RGS7: variants seen among roughly 807,000 people sequenced by gnomAD.
The protein encoded by RGS7 is regulator of G protein signaling 7.
Under a neutral mutation model 81.1 loss-of-function variants are expected in RGS7, and 27 were observed. The ratio of observed to expected loss-of-function variants is 0.33; its 90% CI spans 0.25 to 0.46. RGS7 has a LOEUF of 0.46. Among genes scored for constraint, RGS7 ranks in the 20% least tolerant of loss-of-function variants. RGS7 has a pLI of 1.00. For missense variants in RGS7, 396 were observed against 607.4 expected (o/e 0.65, Z 3.66); for synonymous variants, 208 against 207.7 (o/e 1.00, Z -0.01).
rs866197813 is a variant in RGS7 at position 241,090,009 on chromosome 1, A to G, written c.175+8657T>C. Among the ~76,000 whole-genome samples the G allele has an allele frequency of 2.9e-3, 439 of 151,430 alleles. 1 individual carries two copies. Among genetic ancestry groups the G allele is most frequent in the African/African-American group, 4.3e-3 (178 of 41,212 alleles). On this transcript the variant is annotated intron_variant, in intron 3 of 18. Transcript: ENST00000440928. ...ACTCCATCTCAAAAAAAAAAAAAAAAAAAGAGAGAGAGAACAGGAAAACTT... is the reference window on the plus strand; with the variant it reads ...ACTCCATCTCAAAAAAAAAAAAAAAGAAAGAGAGAGAGAACAGGAAAACTT...
chr1:241,125,400 T>C (rs1413782974), intron 2 of RGS7, among the ~76,000 whole-genome samples: 1 of 150,688 alleles, frequency 6.6e-6, no homozygotes, highest in Non-Finnish European at 1.5e-5. Flanking sequence ...TCCAATCATC[T>C]AGATACCCGA....
intron 3 of RGS7, among the ~76,000 whole-genome samples, chr1:241,079,136 T>C (rs1355004948): frequency 1.1e-4 from 17 of 152,160 alleles, no homozygotes; most frequent in Admixed American, 9.8e-4. Context: ...ATCTCTCTAG[T>C]GTTCCCTGCT....
intron 4 of RGS7, among the ~76,000 whole-genome samples, chr1:240,966,461 T>C (rs1682312108): frequency 6.6e-6 from 1 of 152,114 alleles, no homozygotes; most frequent in Non-Finnish European, 1.5e-5. Flanking sequence ...TCTTTATGAT[T>C]TGTACGAATT....
intron 2 of RGS7, among the ~76,000 whole-genome samples, chr1:241,111,349 T>C (rs1253612966): frequency 1.3e-5 from 2 of 152,204 alleles, no homozygotes; most frequent in South Asian, 2.1e-4. Flanking sequence ...ATCCTATTCA[T>C]GGTATTCGTA....
At chr1:240,991,031 A>G (rs948618550) in intron 3 of RGS7, among the ~76,000 whole-genome samples, 1 of 152,228 alleles carries the variant, frequency 6.6e-6, no homozygotes, top group Admixed American at 6.5e-5. Context: ...TCTTCAAATC[A>G]ACAGGATAGA....
At chr1:241,121,453 G>A (rs1376066060) in intron 2 of RGS7, among the ~76,000 whole-genome samples, 1 of 152,114 alleles carries the variant, frequency 6.6e-6, no homozygotes, top group East Asian at 1.9e-4. Context: ...CTAAAGAGCA[G>A]CAACAATAAA....
intron 2 of RGS7, among the ~76,000 whole-genome samples, chr1:241,226,363 C>T (rs567488688): frequency 1.4e-4 from 21 of 152,188 alleles, no homozygotes; most frequent in Non-Finnish European, 2.8e-4. Context: ...TGGGCACCTG[C>T]TTCTGCCATG....
intron 2 of RGS7, among the ~76,000 whole-genome samples, chr1:241,340,246 T>C (rs898254476): frequency 2.0e-5 from 3 of 152,108 alleles, no homozygotes; most frequent in African/African-American, 7.2e-5. Flanking sequence ...AGGAGAGAGC[T>C]GGTTGTAATA....
At chr1:241,021,385 A>G (rs949482626) in intron 3 of RGS7, among the ~76,000 whole-genome samples, 8 of 152,178 alleles carry the variant, frequency 5.3e-5, no homozygotes, top group Admixed American at 4.6e-4. Context: ...TACTGTTTTT[A>G]TTTTCAGTCT....
At chr1:240,958,195 A>C (rs1439183295) in intron 4 of RGS7, among the ~76,000 whole-genome samples, 1 of 152,204 alleles carries the variant, frequency 6.6e-6, no homozygotes, top group Non-Finnish European at 1.5e-5. Context: ...AGAAGGCGAA[A>C]TCTTTGCACA....
intron 6 of RGS7, chr1:240,920,515 A>G (rs867291687): frequency 1.2e-6 from 1 of 854,422 alleles, no homozygotes; most frequent in Non-Finnish European, 2.0e-6. Flanking sequence ...TCTGGCCTCT[A>G]TGGTGATGGA....
intron 2 of RGS7, among the ~76,000 whole-genome samples, chr1:241,341,278 C>T (rs2082530412): frequency 6.6e-6 from 1 of 152,114 alleles, no homozygotes; most frequent in Non-Finnish European, 1.5e-5. Context: ...CAATGTGAGT[C>T]CCAGGTCTGC....
At chr1:240,825,840 A>G (rs1692708807) in intron 10 of RGS7, among the ~76,000 whole-genome samples, 1 of 152,164 alleles carries the variant, frequency 6.6e-6, no homozygotes, top group African/African-American at 2.4e-5. Context: ...TGATGACTTT[A>G]TTGTGTCTAG....
chr1:240,884,617 T>C lies in RGS7; in HGVS notation c.386-14498A>G, dbSNP rs964424001. On this transcript the variant is annotated intron_variant, in intron 6 of 18. Transcript: ENST00000440928. ...AAATGAGGGAACATTCCTGCAACCATTTGATCTTCCACAAAGCTGACAAAA... is the reference window on the plus strand; with the variant it reads ...AAATGAGGGAACATTCCTGCAACCACTTGATCTTCCACAAAGCTGACAAAA... Among the ~76,000 whole-genome samples the C allele has an allele frequency of 3.3e-5, 5 of 152,290 alleles. No individual in the cohort carries two copies. In the East Asian group the frequency reaches 5.8e-4, roughly 18 times the overall value.
In RGS7 at chr1:241,327,147, G is replaced by GAAAAGAAAAGAAAAGA. The variant is rs1553320967; in HGVS notation, c.78+28551_78+28552insTCTTTTCTTTTCTTTT. Among the ~76,000 whole-genome samples the GAAAAGAAAAGAAAAGA allele has an allele frequency of 2.0e-3, 150 of 74,460 alleles. 9 individuals are homozygous for GAAAAGAAAAGAAAAGA. Among genetic ancestry groups the GAAAAGAAAAGAAAAGA allele is most frequent in the Non-Finnish European group, 3.1e-3 (102 of 32,792 alleles). The allele number at this position is 74,460 out of a possible 152,430, so 48.8% of individuals were successfully genotyped here. ...GAAAGAAAGAAAGAAAGAAAGAAAG[G>GAAAAGAAAAGAAAAGA]AAAGAAAGAAAGAAAGAAACACACA... On this transcript the variant is annotated intron_variant, in intron 2 of 18. Transcript: ENST00000440928.
At chr1:241,027,949 T>G (rs1236359142) in intron 3 of RGS7, among the ~76,000 whole-genome samples, 4 of 152,216 alleles carry the variant, frequency 2.6e-5, no homozygotes, top group African/African-American at 9.6e-5. Flanking sequence ...ATTAATTTAG[T>G]GCAAGTGTAG....
At chr1:241,201,779 T>C (rs2073519013) in intron 2 of RGS7, among the ~76,000 whole-genome samples, 1 of 152,120 alleles carries the variant, frequency 6.6e-6, no homozygotes, top group Non-Finnish European at 1.5e-5. Flanking sequence ...TTGGTCTAAT[T>C]AAGGCTGAAT....
At chr1:241,037,256 T>C (rs2060375134) in intron 3 of RGS7, among the ~76,000 whole-genome samples, 1 of 152,120 alleles carries the variant, frequency 6.6e-6, no homozygotes, top group South Asian at 2.1e-4. Flanking sequence ...ATTTGTTAAG[T>C]CTATCATCTG....
At chr1:241,145,360 C>T (rs1356544226) in intron 2 of RGS7, among the ~76,000 whole-genome samples, 5 of 152,120 alleles carry the variant, frequency 3.3e-5, no homozygotes, top group African/African-American at 1.2e-4. Flanking sequence ...AATTAGAGAT[C>T]CATAAAAGCC....
Sources: allele counts gnomAD v4.1 joint callset (sites outside exome capture counted in the v4.1 genomes callset), GRCh38; gene constraint gnomAD v4.1.1; transcripts MANE v1.5; gene names NCBI Gene and HGNC (gene_info 2026-07-23, HGNC 2026-07-21).